The following P2RY2 variants were observed in gnomAD, a reference collection of about 807,000 sequenced individuals.
P2RY2 encodes P2Y purinoceptor 2.
For missense variants in P2RY2, 567 were observed against 515.7 expected, an observed-to-expected ratio of 1.10 and a Z score of -0.96; for synonymous variants, 241 against 231.9, an observed-to-expected ratio of 1.04 and a Z score of -0.35.
chr11:73,221,991 C>T (rs1414988875), intron 1 of P2RY2, among the ~76,000 whole-genome samples: 1 of 152,180 alleles, frequency 6.6e-6, no homozygotes. Context: ...TCCACCCCAT[C>T]ACCCCATCTC....
At chr11:73,233,550 G>T (rs1862521313) in intron 2 of P2RY2, among the ~76,000 whole-genome samples, 1 of 152,240 alleles carries the variant, frequency 6.6e-6, no homozygotes, top group Non-Finnish European at 1.5e-5. Context: ...CAGGTCCTCA[G>T]ATTCTAGAGC....
At chr11:73,218,863 C>G (rs1245902544) in intron 1 of P2RY2, among the ~76,000 whole-genome samples, 1 of 152,164 alleles carries the variant, frequency 6.6e-6, no homozygotes, top group African/African-American at 2.4e-5. Flanking sequence ...CCCCCTACCA[C>G]TGTCCTAACC....
chr11:73,238,472 T>C lies in P2RY2; in HGVS notation c.*3179T>C, dbSNP rs1404848188. Among the ~76,000 whole-genome samples the C allele has an allele frequency of 6.6e-6, 1 of 152,212 alleles. No individual in the cohort carries two copies. The highest frequency in any genetic ancestry group is 2.4e-5 in the African/African-American group (1 of 41,464). ...TTAGAAGAGGCCCTAAGCAACATGT[T>C]ATCCACACATGGTTGCTCCAGGTCA... On this transcript the variant is annotated 3_prime_UTR_variant, in exon 3 of 3. Coordinates refer to ENST00000393597, the MANE Select transcript of P2RY2 (RefSeq NM_002564.4).
chr11:73,223,195 G>GCC (rs1862170730), intron 1 of P2RY2, among the ~76,000 whole-genome samples: 1 of 152,190 alleles, frequency 6.6e-6, no homozygotes, highest in African/African-American at 2.4e-5. Flanking sequence ...ACCTGGAGGG[G>GCC]CCATCTCAGA....
chr11:73,231,411 G>T (rs1405318134), intron 2 of P2RY2, among the ~76,000 whole-genome samples: 1 of 130,824 alleles, frequency 7.6e-6, no homozygotes, highest in Admixed American at 7.8e-5. Context: ...AAAAAAAAAA[G>T]CTAGGTGAGG....
intron 2 of P2RY2, among the ~76,000 whole-genome samples, chr11:73,231,180 G>A (rs1358673918): frequency 2.0e-5 from 3 of 152,170 alleles, no homozygotes; most frequent in South Asian, 2.1e-4. Flanking sequence ...GAACAAGGGT[G>A]CAGGCCCCCT....
intron 1 of P2RY2, among the ~76,000 whole-genome samples, chr11:73,224,043 AG>A (rs911666236): frequency 6.6e-6 from 1 of 152,066 alleles, no homozygotes; most frequent in African/African-American, 2.4e-5. Context: ...AACATCTGGG[AG>A]GGGGTAGAGA....
chr11:73,236,607 C>G lies in P2RY2; in HGVS notation c.*1314C>G. 1.0e-6 allele frequency: 1 copy of G among 985,388 alleles called. No individual in the cohort carries two copies. Among genetic ancestry groups the G allele is most frequent in the Non-Finnish European group, 1.2e-6 (1 of 829,912 alleles). 61.0% of individuals were successfully genotyped at this position (985,388 alleles called of 1,614,324 possible). ...CCATAAGCAGGCTGGACAGCTGACT[C>G]CAGGCTCAAGGCAGGGTTGGGGCTG... On this transcript the variant is annotated 3_prime_UTR_variant, in exon 3 of 3. Coordinates refer to ENST00000393597, the MANE Select transcript of P2RY2 (RefSeq NM_002564.4).
rs1467603969 is a variant in P2RY2 at position 73,236,866 on chromosome 11, G to T, written c.*1573G>T. The T allele has an allele frequency of 4.1e-6, 4 of 985,238 alleles. No individual in the cohort carries two copies. In the South Asian group the frequency reaches 1.4e-4, roughly 35 times the overall value. 61.0% of individuals were successfully genotyped at this position (985,238 alleles called of 1,614,324 possible). A position where few individuals can be genotyped will look rare whatever the true frequency, so the allele number is the denominator to read the frequency against. On this transcript the variant is annotated 3_prime_UTR_variant, in exon 3 of 3. Coordinates refer to ENST00000393597, the MANE Select transcript of P2RY2 (RefSeq NM_002564.4). Reference sequence around the variant, plus strand: ...CCAGGACCACTCTGGGCTGACGTGTGGCGCTCAGCTGGACAGGGCCCCGCC... The same window carrying T: ...CCAGGACCACTCTGGGCTGACGTGTTGCGCTCAGCTGGACAGGGCCCCGCC...
Position 73,237,099 on chromosome 11 carries a change from C to T in P2RY2, c.*1806C>T. 5 of 985,352 alleles carry T rather than the reference C, an allele frequency of 5.1e-6. No individual in the cohort carries two copies. Among genetic ancestry groups the T allele is most frequent in the Non-Finnish European group, 6.0e-6 (5 of 829,918 alleles). The allele number at this position is 985,352 out of a possible 1,614,324, so 61.0% of individuals were successfully genotyped here. A position where few individuals can be genotyped will look rare whatever the true frequency, so the allele number is the denominator to read the frequency against. Reference sequence around the variant, plus strand: ...ATTTGGAGCCTGACTCCACAGCGCCCTCATGTGACAGAGACCCATCACAGA... The same window carrying T: ...ATTTGGAGCCTGACTCCACAGCGCCTTCATGTGACAGAGACCCATCACAGA... On this transcript the variant is annotated 3_prime_UTR_variant, in exon 3 of 3. Transcript: ENST00000393597.
intron 2 of P2RY2, among the ~76,000 whole-genome samples, chr11:73,228,508 G>A (rs2135638034): frequency 6.6e-6 from 1 of 152,296 alleles, no homozygotes; most frequent in South Asian, 2.1e-4. Context: ...AAGCAGGGTG[G>A]GTAGAGAATC....
Position 73,240,997 on chromosome 11 carries a change from G to T in P2RY2, c.*5704G>T, listed in dbSNP as rs1391949401. ...TATTAGAAGGTGGGGCCTTTGGGAA[G>T]TAACCAGGTCCTAAGGGTGCAGCCC... On this transcript the variant is annotated 3_prime_UTR_variant, in exon 3 of 3. Transcript: ENST00000393597. 6.6e-6 allele frequency: 1 copy of T among 152,380 alleles called. No homozygotes were observed. The highest frequency in any genetic ancestry group is 1.5e-5 in the Non-Finnish European group (1 of 68,066). The allele number at this position is 152,380 out of a possible 1,614,324, so 9.4% of individuals were successfully genotyped here.
chr11:73,222,099 C>T (rs76402518), intron 1 of P2RY2, among the ~76,000 whole-genome samples: 2,838 of 152,248 alleles, frequency 0.019, 98 homozygotes, highest in African/African-American at 0.065. Flanking sequence ...TGACCCTCTG[C>T]CCTGGTACCT....
intron 1 of P2RY2, among the ~76,000 whole-genome samples, chr11:73,224,230 C>G (rs574850395): frequency 6.6e-6 from 1 of 152,310 alleles, no homozygotes; most frequent in Admixed American, 6.5e-5. Context: ...TGGGGAGGAG[C>G]CAGCGTGACT....
intron 1 of P2RY2, among the ~76,000 whole-genome samples, chr11:73,222,806 T>C (rs1862158850): frequency 1.3e-5 from 2 of 152,158 alleles, no homozygotes; most frequent in South Asian, 4.1e-4. Context: ...TGCTGTGTGC[T>C]CCATAACCCC....
At chr11:73,230,322 A>G (rs1862413907) in intron 2 of P2RY2, among the ~76,000 whole-genome samples, 2 of 151,658 alleles carry the variant, frequency 1.3e-5, no homozygotes, top group African/African-American at 2.4e-5. Context: ...ACAGGGCCCA[A>G]GGCCTTCCCC....
chr11:73,222,075 G>C (rs182297865), intron 1 of P2RY2, among the ~76,000 whole-genome samples: 4 of 152,154 alleles, frequency 2.6e-5, no homozygotes, highest in African/African-American at 9.7e-5. Context: ...CCTGGGCCCC[G>C]TGGAACAACT....
At chr11:73,227,817 G>T (rs917438654) in intron 1 of P2RY2, among the ~76,000 whole-genome samples, 164 bp from the exon 2 acceptor site, 1 of 152,082 alleles carries the variant, frequency 6.6e-6, no homozygotes, top group African/African-American at 2.4e-5. Flanking sequence ...CATGAGCTGG[G>T]GTTTGGGTGT....
chr11:73,224,486 G>A (rs1862220505), intron 1 of P2RY2, among the ~76,000 whole-genome samples: 1 of 152,206 alleles, frequency 6.6e-6, no homozygotes, highest in South Asian at 2.1e-4. Flanking sequence ...CTCCAGGCCT[G>A]ATCACCCTGT....
Sources: allele counts gnomAD v4.1 joint callset (sites outside exome capture counted in the v4.1 genomes callset), GRCh38; gene constraint gnomAD v4.1.1; transcripts MANE v1.5; gene names NCBI Gene and HGNC (gene_info 2026-07-23, HGNC 2026-07-21).